PTP4A3: variants seen among roughly 807,000 people sequenced by gnomAD.
The protein encoded by PTP4A3 is protein tyrosine phosphatase 4A3.
Under a neutral mutation model 15.2 loss-of-function variants are expected in PTP4A3, and 9 were observed. That is an observed-to-expected ratio of 0.59 (90% CI 0.36 to 1.03). The LOEUF is 1.03. PTP4A3 is among the 50% of genes least tolerant of loss of function. PTP4A3 has a pLI of 0.02. For missense variants in PTP4A3, 234 were observed against 252.1 expected (o/e 0.93, Z 0.49); for synonymous variants, 95 against 102.0 (o/e 0.93, Z 0.41).
At chr8:141,429,469 T>C (rs1264477482) in intron 5 of PTP4A3, among the ~76,000 whole-genome samples, 1 of 152,240 alleles carries the variant, frequency 6.6e-6, no homozygotes, top group African/African-American at 2.4e-5. Context: ...GCCAGGTACA[T>C]GTGGTCAAGG....
At chr8:141,397,652 G>A (rs1832486389) in intron 1 of PTP4A3, among the ~76,000 whole-genome samples, 1 of 152,216 alleles carries the variant, frequency 6.6e-6, no homozygotes, top group South Asian at 2.1e-4. Context: ...CCTGCCTTGG[G>A]GCCTGAGTGC....
At chr8:141,404,868 A>T (rs986386747) in intron 1 of PTP4A3, among the ~76,000 whole-genome samples, 8 of 152,176 alleles carry the variant, frequency 5.3e-5, no homozygotes, top group Non-Finnish European at 1.5e-5. Flanking sequence ...TTACATATAA[A>T]GGGCATGGAG....
intron 5 of PTP4A3, among the ~76,000 whole-genome samples, chr8:141,430,280 C>T (rs1294439483): frequency 3.6e-5 from 5 of 138,512 alleles, no homozygotes; most frequent in African/African-American, 1.1e-4. Flanking sequence ...GGTGAGCACA[C>T]AGTCCGGGTC....
At position 141,422,215 on chromosome 8, in the gene PTP4A3, C is replaced by A. The variant is rs373678370; in HGVS notation, c.-26C>A. ...CCAGCCTTCTCTGCAGTCCCTTCTG[C>A]CCTGCCGGGCCCGTCGGGAGGCGCC... is the stretch of plus-strand genomic sequence containing the variant. On this transcript the variant is annotated 5_prime_UTR_variant, in exon 2 of 6. Transcript: ENST00000521578. 1 of 1,611,938 alleles carries A rather than the reference C, an allele frequency of 6.2e-7. No homozygotes were observed. The highest frequency in any genetic ancestry group is 1.1e-5 in the South Asian group (1 of 91,054).
chr8:141,407,367 T>C (rs905088396), intron 1 of PTP4A3, among the ~76,000 whole-genome samples: 1 of 152,188 alleles, frequency 6.6e-6, no homozygotes, highest in African/African-American at 2.4e-5. Context: ...GGTTAAGGTG[T>C]AGCCCTCTTC....
intron 1 of PTP4A3, among the ~76,000 whole-genome samples, chr8:141,398,173 G>C (rs879304058): frequency 1.3e-5 from 2 of 152,218 alleles, no homozygotes; most frequent in Non-Finnish European, 2.9e-5. Flanking sequence ...TGGATGAGGG[G>C]TGGAGTGGGC....
intron 2 of PTP4A3, among the ~76,000 whole-genome samples, 176 bp downstream of exon 2, chr8:141,422,521 G>A (rs1833383466): frequency 6.6e-6 from 1 of 152,246 alleles, no homozygotes; most frequent in South Asian, 2.1e-4. Flanking sequence ...AGATGGGGGT[G>A]CCCCGGGGGT....
Position 141,398,712 on chromosome 8 carries a change from C to T in PTP4A3, c.-854+6628C>T, listed in dbSNP as rs1311028192. Reference sequence around the variant, plus strand: ...CTGGGGAGACTCTTGCCTTGTTCTCCCCAGTGTCCAGGCCTGGGCTGCCCA... The same window carrying T: ...CTGGGGAGACTCTTGCCTTGTTCTCTCCAGTGTCCAGGCCTGGGCTGCCCA... On this transcript the variant is annotated intron_variant, in intron 1 of 5. Coordinates refer to ENST00000521578, the MANE Select transcript of PTP4A3 (RefSeq NM_032611.3). 2.6e-5 allele frequency among the ~76,000 whole-genome samples: 4 copies of T among 152,010 alleles called. No homozygotes were observed. In the East Asian group the frequency reaches 5.8e-4, roughly 22 times the overall value.
At chr8:141,394,227 C>G (rs912025242) in intron 1 of PTP4A3, among the ~76,000 whole-genome samples, 1 of 152,162 alleles carries the variant, frequency 6.6e-6, no homozygotes, top group African/African-American at 2.4e-5. Flanking sequence ...GGAAAGTGTA[C>G]CAGGCTGGTG....
chr8:141,416,299 C>T (rs1833052755), intron 1 of PTP4A3, among the ~76,000 whole-genome samples: 1 of 152,146 alleles, frequency 6.6e-6, no homozygotes, highest in Non-Finnish European at 1.5e-5. Context: ...TCGGGGGCAG[C>T]AAGACCCAGC....
chr8:141,422,208 C>T lies in PTP4A3; in HGVS notation c.-33C>T. ...CGTGTCCCCAGCCTTCTCTGCAGTC[C>T]CTTCTGCCCTGCCGGGCCCGTCGGG... On this transcript the variant is annotated 5_prime_UTR_variant, in exon 2 of 6. Transcript: ENST00000521578. The T allele has an allele frequency of 6.2e-7, 1 of 1,609,984 alleles. No homozygotes were observed. Among genetic ancestry groups the T allele is most frequent in the Non-Finnish European group, 8.5e-7 (1 of 1,177,596 alleles).
At chr8:141,401,813 G>A (rs936126900) in intron 1 of PTP4A3, among the ~76,000 whole-genome samples, 2 of 152,154 alleles carry the variant, frequency 1.3e-5, no homozygotes, top group African/African-American at 4.8e-5. Flanking sequence ...CACGTGGGCC[G>A]GAGCATGGAC....
Position 141,422,000 on chromosome 8 carries a change from T to G in PTP4A3, c.-241T>G, listed in dbSNP as rs1001146182. 1 of 488,164 alleles carries G rather than the reference T, an allele frequency of 2.0e-6. No individual in the cohort carries two copies. Among genetic ancestry groups the G allele is most frequent in the Non-Finnish European group, 3.6e-6 (1 of 278,092 alleles). 30.2% of individuals were successfully genotyped at this position (488,164 alleles called of 1,614,324 possible). Reference sequence around the variant, plus strand: ...GGCGGGCTGTTTTGTTCCTTTTCTTTTTTAAGAGTTGGGTTTTCTTTTTTA... The same window carrying G: ...GGCGGGCTGTTTTGTTCCTTTTCTTGTTTAAGAGTTGGGTTTTCTTTTTTA... On this transcript the variant is annotated 5_prime_UTR_variant, in exon 2 of 6. Coordinates refer to ENST00000521578, the MANE Select transcript of PTP4A3 (RefSeq NM_032611.3).
intron 5 of PTP4A3, among the ~76,000 whole-genome samples, chr8:141,428,636 G>A (rs1429570069): frequency 1.3e-5 from 2 of 151,812 alleles, no homozygotes; most frequent in East Asian, 3.9e-4. Flanking sequence ...GTGGGTCTGC[G>A]AGAGCGTGGC....
intron 2 of PTP4A3, among the ~76,000 whole-genome samples, chr8:141,423,010 G>C (rs545050416): frequency 1.3e-5 from 2 of 152,238 alleles, no homozygotes; most frequent in Non-Finnish European, 2.9e-5. Flanking sequence ...GCCTGGGGCC[G>C]TTTGCAGCGT....
intron 1 of PTP4A3, among the ~76,000 whole-genome samples, chr8:141,419,938 G>A (rs1833250184): frequency 1.3e-5 from 2 of 152,194 alleles, no homozygotes; most frequent in East Asian, 3.8e-4. Flanking sequence ...AGGTGTGGCG[G>A]CTGCTCTGAG....
Position 141,422,263 on chromosome 8 carries a change from C to T in PTP4A3, c.23C>T (p.Ala8Val). The T allele has an allele frequency of 6.2e-7, 1 of 1,613,084 alleles. No individual in the cohort carries two copies. ...GCCATGGCTCGGATGAACCGCCCGG[C>T]CCCGGTGGAGGTGAGCTACAAACAC... The part of the protein sequence containing the change: MARMNRP[A>V]PVEVSYKHMR... The change falls in exon 2 of 6, where the codon GCC (alanine) becomes GTC (valine). Residue 8 changes from alanine (A) to valine (V), a missense_variant. Transcript: ENST00000521578.
At chr8:141,397,480 T>C (rs9693417) in intron 1 of PTP4A3, among the ~76,000 whole-genome samples, 6,595 of 152,290 alleles carry the variant, frequency 0.043, 473 homozygotes, top group African/African-American at 0.15. Context: ...CTACCACAAG[T>C]ACAGAACAAT....
intron 1 of PTP4A3, among the ~76,000 whole-genome samples, chr8:141,393,626 C>T (rs941147635): frequency 7.9e-5 from 12 of 152,236 alleles, no homozygotes; most frequent in Non-Finnish European, 1.6e-4. Flanking sequence ...ATGCAGCCTC[C>T]AGGTGGTTTC....
Sources: gnomAD v4.1 joint callset for allele counts (sites outside exome capture counted in the v4.1 genomes callset) on GRCh38, gnomAD v4.1.1 for gene constraint, MANE v1.5 for transcripts, NCBI Gene and HGNC (gene_info 2026-07-23, HGNC 2026-07-21) for gene names.